Variants in CHD9 observed in about 807,000 individuals in gnomAD.
CHD9 encodes the protein chromodomain helicase DNA binding protein 9, also known as ATP-dependent chromatin remodeler CHD9.
In CHD9, 77 loss-of-function variants were observed where a neutral mutation model predicts 316.1. The observed-to-expected ratio is 0.24, with a 90% CI of 0.20 to 0.29. The LOEUF (loss-of-function observed/expected upper bound fraction) is 0.29. CHD9 is among the 10% of genes least tolerant of loss of function. The probability of loss-of-function intolerance (pLI) is 1.00; values close to 1 mark genes in which losing one functional copy is unlikely to be tolerated. For synonymous variants in CHD9, 1,129 were observed against 1,158.3 expected (o/e 0.97, Z 0.51); for missense variants, 2,763 against 3,438.1 (o/e 0.80, Z 4.91).
rs1217447978 is a variant in CHD9, at chr16:53,242,907, G to A, written c.2945G>A (p.Gly982Asp). 1 of 1,613,318 alleles carries A rather than the reference G, an allele frequency of 6.2e-7. No individual in the cohort carries two copies. Among genetic ancestry groups the A allele is most frequent in the Non-Finnish European group, 8.5e-7 (1 of 1,179,520 alleles). Residue 982 changes from glycine (G) to aspartate (D), a missense_variant, in exon 13 of 39, where the codon GGC becomes GAC. Coordinates refer to ENST00000447540, the MANE Select transcript of CHD9 (RefSeq NM_001308319.2). Reference sequence around the variant, plus strand: ...ACCACTTTTGAAATGATTCTTGGAGGCTGTGGAGAGCTTAATGCAATTGAA... The same window carrying A: ...ACCACTTTTGAAATGATTCTTGGAGACTGTGGAGAGCTTAATGCAATTGAA... ...IITTFEMILG[G>D]CGELNAIEWR...
At chr16:53,149,549 T>A (rs2040914455) in intron 1 of CHD9, among the ~76,000 whole-genome samples, 1 of 151,080 alleles carries the variant, frequency 6.6e-6, no homozygotes, top group African/African-American at 2.4e-5. Context: ...CTTGTAACCT[T>A]TCTCTCTCTG....
chr16:53,180,494 T>C (rs140013003), intron 2 of CHD9, among the ~76,000 whole-genome samples: 48 of 152,218 alleles, frequency 3.2e-4, no homozygotes, highest in East Asian at 2.3e-3. Flanking sequence ...TTTGAAACTT[T>C]TAGTGATGTA....
At chr16:53,239,018 T>G (rs2048859524) in intron 12 of CHD9, among the ~76,000 whole-genome samples, 1 of 152,152 alleles carries the variant, frequency 6.6e-6, no homozygotes, top group African/African-American at 2.4e-5. Context: ...GACCATAGGT[T>G]CTCTTTCATG....
chr16:53,273,904 T>C, intron 23 of CHD9, 119 bp downstream of exon 23: 1 of 901,016 alleles, frequency 1.1e-6, no homozygotes, highest in South Asian at 1.8e-5. Flanking sequence ...CCAATCCTAA[T>C]CCTAATTTTA....
chr16:53,167,510 C>T (rs2042353653), intron 2 of CHD9, among the ~76,000 whole-genome samples: 1 of 152,076 alleles, frequency 6.6e-6, no homozygotes, highest in African/African-American at 2.4e-5. Context: ...TGGTTTCTAG[C>T]ACTTTCTCTT....
At position 53,156,849 on chromosome 16, in the gene CHD9, G is replaced by A. The variant is rs1205615712; in HGVS notation, c.760G>A (p.Gly254Arg). The stretch of plus-strand genomic sequence containing the variant: ...CAGTCATCAAGAAGGAAATTTTAAT[G>A]GACCTTCCCCAAATATGACTTCTTG... ...CSSHQEGNFN[G>R]PSPNMTSCSV... Residue 254 changes from glycine (G) to arginine (R), a missense_variant, in exon 2 of 39, where the codon GGA becomes AGA. Around this residue, in one of 15 missense-constraint regions of CHD9, gnomAD observed 859 missense variants for 890.4 expected, o/e 0.96. Transcript: ENST00000447540. 1 of 1,613,544 alleles carries A rather than the reference G, an allele frequency of 6.2e-7. No individual in the cohort carries two copies. Among genetic ancestry groups the A allele is most frequent in the Non-Finnish European group, 8.5e-7 (1 of 1,179,782 alleles).
intron 2 of CHD9, among the ~76,000 whole-genome samples, chr16:53,185,349 CAA>C: frequency 6.6e-6 from 1 of 152,250 alleles, no homozygotes; most frequent in South Asian, 2.1e-4. Context: ...TTTTGCTATG[CAA>C]AGAGACTGGT....
chr16:53,110,066 G>A (rs1450124639), intron 1 of CHD9, among the ~76,000 whole-genome samples: 3 of 152,102 alleles, frequency 2.0e-5, no homozygotes, highest in Non-Finnish European at 2.9e-5. Context: ...CCCAGGAGCC[G>A]AGTAAAGCTA....
chr16:53,131,123 A>G (rs112757932), intron 1 of CHD9: 36,393 of 105,482 alleles, frequency 0.35, 4,765 homozygotes, highest in Middle Eastern at 0.52. Context: ...GCCCGGGGGC[A>G]CCGCGGGGCA....
Position 53,304,145 on chromosome 16 carries a change from G to T in CHD9, c.6139G>T (p.Val2047Phe). ...AGGTATTATTCTAGAGGAGATGAAA[G>T]TTAAAAGTGAAAACCTTAAAGAGGA... is the stretch of plus-strand genomic sequence containing the variant. The part of the protein sequence containing the change: ...AKGIILEEMK[V>F]KSENLKEEPQ... The change falls in exon 31 of 39, where the codon GTT (valine) becomes TTT (phenylalanine). Residue 2047 changes from valine (V) to phenylalanine (F), a missense_variant. Val to Phe is a conservative substitution (Grantham distance 50). Around this residue, in one of 15 missense-constraint regions of CHD9, gnomAD observed 663 missense variants for 751.2 expected, o/e 0.88. Transcript: ENST00000447540. The T allele has an allele frequency of 6.2e-7, 1 of 1,613,104 alleles. No homozygotes were observed. Among genetic ancestry groups the T allele is most frequent in the Non-Finnish European group, 8.5e-7 (1 of 1,179,666 alleles).
intron 38 of CHD9, among the ~76,000 whole-genome samples, chr16:53,322,180 A>T: frequency 6.6e-6 from 1 of 151,536 alleles, no homozygotes; most frequent in Non-Finnish European, 1.5e-5. Flanking sequence ...TATTTTTAGT[A>T]GAGACGATAT....
intron 3 of CHD9, among the ~76,000 whole-genome samples, chr16:53,216,859 G>A (rs73597675): frequency 0.032 from 4,925 of 152,128 alleles, 99 homozygotes; most frequent in Middle Eastern, 0.071. Context: ...AACTGGATGG[G>A]TTATTTTTTT....
intron 8 of CHD9, among the ~76,000 whole-genome samples, chr16:53,230,037 TAGTC>T (rs935491667): frequency 4.2e-4 from 64 of 152,288 alleles, no homozygotes; most frequent in African/African-American, 1.4e-3. Flanking sequence ...TAATATCTCT[TAGTC>T]AGTCTCTCTT....
intron 1 of CHD9, among the ~76,000 whole-genome samples, chr16:53,080,431 A>G (rs1056743158): frequency 5.3e-5 from 8 of 152,126 alleles, no homozygotes; most frequent in African/African-American, 1.9e-4. Context: ...GTGTCACTCT[A>G]CACCTCCAAG....
At chr16:53,275,716 C>G (rs1296228650) in intron 24 of CHD9, among the ~76,000 whole-genome samples, 1 of 151,940 alleles carries the variant, frequency 6.6e-6, no homozygotes, top group East Asian at 1.9e-4. Flanking sequence ...TGTAAGCAAG[C>G]CATAAAACAA....
At chr16:53,147,516 C>A (rs2040729154) in intron 1 of CHD9, among the ~76,000 whole-genome samples, 1 of 152,190 alleles carries the variant, frequency 6.6e-6, no homozygotes. Flanking sequence ...CTACTCTCCC[C>A]TTCCCCTAGC....
intron 35 of CHD9, 62 bp downstream of exon 35, chr16:53,314,578 C>T: frequency 7.7e-7 from 1 of 1,301,192 alleles, no homozygotes; most frequent in Non-Finnish European, 1.0e-6. Flanking sequence ...AATAAATATA[C>T]ATATTATTGT....
chr16:53,319,387 C>G (rs1312793012), intron 37 of CHD9, among the ~76,000 whole-genome samples: 1 of 152,156 alleles, frequency 6.6e-6, no homozygotes, highest in Non-Finnish European at 1.5e-5. Flanking sequence ...TAGAAGAAAA[C>G]TATTTTAAAA....
chr16:53,123,721 C>T lies in CHD9; in HGVS notation c.-164-32205C>T, dbSNP rs181739391. Among the ~76,000 whole-genome samples the T allele has an allele frequency of 1.5e-3, 234 of 152,104 alleles. 1 individual carries two copies. The highest frequency in any genetic ancestry group is 5.5e-3 in the African/African-American group (229 of 41,472). On this transcript the variant is annotated intron_variant, in intron 1 of 38. Coordinates refer to ENST00000447540, the MANE Select transcript of CHD9 (RefSeq NM_001308319.2). ...TTCACTATGTTGTCCATGCTGGTCT[C>T]GAACTCCTGACCTCAAGTGATCTGC...
Sources: allele counts gnomAD v4.1 joint callset (sites outside exome capture counted in the v4.1 genomes callset), GRCh38; gene constraint gnomAD v4.1.1; regional missense constraint gnomAD v4.1.1; transcripts MANE v1.5; gene names NCBI Gene and HGNC (gene_info 2026-07-23, HGNC 2026-07-21).